The following ARHGAP6 variants were observed in gnomAD, a reference collection of about 807,000 sequenced individuals.
ARHGAP6 encodes rho GTPase-activating protein 6.
In ARHGAP6, 16 loss-of-function variants were observed where a neutral mutation model predicts 55.7. That is an observed-to-expected ratio of 0.29 (90% CI 0.19 to 0.44). The LOEUF is 0.44. Ranked by LOEUF, ARHGAP6 falls within the 20% of genes least tolerant of loss-of-function variation. The pLI, the probability that ARHGAP6 is intolerant of heterozygous loss-of-function variation, is 1.00. For synonymous variants in ARHGAP6, 382 were observed against 360.9 expected, an observed-to-expected ratio of 1.06 and a Z score of -0.66; for missense variants, 698 against 808.9, an observed-to-expected ratio of 0.86 and a Z score of 1.66.
chrX:11,318,870 G>T (rs1207795605), intron 1 of ARHGAP6, among the ~76,000 whole-genome samples: 2 of 112,131 alleles, frequency 1.8e-5, no homozygotes, highest in Non-Finnish European at 3.8e-5. Flanking sequence ...GACAGCAGCT[G>T]CCAAGAAGAC....
At chrX:11,653,137 T>C (rs1311354471) in intron 1 of ARHGAP6, among the ~76,000 whole-genome samples, 1 of 111,914 alleles carries the variant, frequency 8.9e-6, no homozygotes, top group African/African-American at 3.2e-5. Flanking sequence ...CATTTACCAG[T>C]TAAAGAACAG....
At chrX:11,356,979 G>T (rs1161121076) in intron 1 of ARHGAP6, among the ~76,000 whole-genome samples, 1 of 111,460 alleles carries the variant, frequency 9.0e-6, no homozygotes, top group African/African-American at 3.3e-5. Flanking sequence ...ATTAATGGAG[G>T]GAGTGCATTT....
intron 1 of ARHGAP6, among the ~76,000 whole-genome samples, chrX:11,500,178 A>G (rs1173938076): frequency 9.0e-6 from 1 of 111,601 alleles, no homozygotes; most frequent in East Asian, 2.8e-4. Context: ...TTCTATCAAT[A>G]AATATTTATG....
At chrX:11,145,872 G>A (rs2045682641) in intron 10 of ARHGAP6, among the ~76,000 whole-genome samples, 1 of 112,626 alleles carries the variant, frequency 8.9e-6, no homozygotes, top group Non-Finnish European at 1.9e-5. Context: ...GGTGGGGCCA[G>A]CAAATTTTTT....
At position 11,298,283 on chromosome X, in the gene ARHGAP6, T is replaced by C. The variant is rs994543951; in HGVS notation, c.589-43576A>G. 2.5e-6 allele frequency: 3 copies of C among 1,207,564 alleles called. No homozygotes were observed. In the African/African-American group the frequency reaches 5.3e-5, roughly 21 times the overall value. On this transcript the variant is annotated intron_variant, in intron 1 of 12. Coordinates refer to ENST00000337414, the MANE Select transcript of ARHGAP6 (RefSeq NM_013427.3). Reference sequence around the variant, plus strand: ...ACCAGAGCATAAGGCCACCGGTATGTAGACATTTTGTTCCTTATTCCCTGA... The same window carrying C: ...ACCAGAGCATAAGGCCACCGGTATGCAGACATTTTGTTCCTTATTCCCTGA...
intron 2 of ARHGAP6, 78 bp downstream of exon 2, chrX:11,254,470 A>C: frequency 9.1e-7 from 1 of 1,098,973 alleles, no homozygotes; most frequent in Non-Finnish European, 1.2e-6. Context: ...GTGTGAGAAG[A>C]GTTCACAGCT....
At chrX:11,533,132 A>T (rs1024482737) in intron 1 of ARHGAP6, among the ~76,000 whole-genome samples, 1 of 111,528 alleles carries the variant, frequency 9.0e-6, no homozygotes, top group South Asian at 3.8e-4. Flanking sequence ...TTAAGGAGAT[A>T]CCATTTTTGT....
chrX:11,552,600 A>ATATATG (rs59361607), intron 1 of ARHGAP6, among the ~76,000 whole-genome samples: 14 of 62,588 alleles, frequency 2.2e-4, no homozygotes, highest in African/African-American at 7.4e-4. Context: ...ATATATATAT[A>ATATATG]GACACACACA....
At chrX:11,570,444 A>C (rs1427634166) in intron 1 of ARHGAP6, among the ~76,000 whole-genome samples, 2 of 111,776 alleles carry the variant, frequency 1.8e-5, no homozygotes, top group Non-Finnish European at 3.8e-5. Flanking sequence ...AACAATAATA[A>C]TAATAATGTG....
chrX:11,353,648 A>G (rs1402302953), intron 1 of ARHGAP6, among the ~76,000 whole-genome samples: 1 of 107,614 alleles, frequency 9.3e-6, no homozygotes, highest in African/African-American at 3.4e-5. Flanking sequence ...GGCCACACCT[A>G]TTTCTTGAGA....
chrX:11,230,608 GGAGT>G (rs1237361123), intron 2 of ARHGAP6, among the ~76,000 whole-genome samples: 2 of 95,235 alleles, frequency 2.1e-5, no homozygotes, highest in Non-Finnish European at 4.3e-5. Flanking sequence ...AAAGTTATTA[GGAGT>G]GTGTGTGTGT....
chrX:11,590,809 A>AAGAAAAGAAT lies in ARHGAP6; in HGVS notation c.588+73431_588+73432insATTCTTTTCT, dbSNP rs2051801914. 8.2e-5 allele frequency among the ~76,000 whole-genome samples: 4 copies of AAGAAAAGAAT among 48,798 alleles called. 1 individual carries two copies. Among genetic ancestry groups the AAGAAAAGAAT allele is most frequent in the African/African-American group, 3.9e-4 (3 of 7,700 alleles). The allele number at this position is 48,798 out of a possible 115,157, so 42.4% of individuals were successfully genotyped here. On this transcript the variant is annotated intron_variant, in intron 1 of 12. Transcript: ENST00000337414. Reference sequence around the variant, plus strand: ...AAGAAAAGAAAAGAAAAGAAAAGAAAAGAAAAGAAAAGAAAAGAAAAGAAA... The same window carrying AAGAAAAGAAT: ...AAGAAAAGAAAAGAAAAGAAAAGAAAAGAAAAGAATAGAAAAGAAAAGAAAAGAAAAGAAA...
At position 11,504,056 on chromosome X, in the gene ARHGAP6, T is replaced by TG. The variant is rs113658072; in HGVS notation, c.588+160184dup. ...GATGGAGTTATGTATCAATTTTTTT[T>TG]GGGGGGGGGCTACCCAAGAACTGTT... On this transcript the variant is annotated intron_variant, in intron 1 of 12. Coordinates refer to ENST00000337414, the MANE Select transcript of ARHGAP6 (RefSeq NM_013427.3). Among the ~76,000 whole-genome samples, 826 of 108,927 alleles carry TG rather than the reference T, an allele frequency of 7.6e-3. 9 individuals carry two copies. The highest frequency in any genetic ancestry group is 0.025 in the African/African-American group (744 of 29,887). 94.6% of individuals were successfully genotyped at this position (108,927 alleles called of 115,157 possible).
chrX:11,347,808 A>G (rs922694801), intron 1 of ARHGAP6, among the ~76,000 whole-genome samples: 2 of 111,675 alleles, frequency 1.8e-5, no homozygotes, highest in African/African-American at 6.5e-5. Context: ...TATACTGGCT[A>G]CTACCATTAA....
chrX:11,426,205 G>A lies in ARHGAP6; in HGVS notation c.589-171498C>T, dbSNP rs146019744. Among the ~76,000 whole-genome samples the A allele has an allele frequency of 4.3e-3, 476 of 111,376 alleles. 3 individuals carry two copies. Among genetic ancestry groups the A allele is most frequent in the African/African-American group, 0.015 (456 of 30,630 alleles). On this transcript the variant is annotated intron_variant, in intron 1 of 12. Coordinates refer to ENST00000337414, the MANE Select transcript of ARHGAP6 (RefSeq NM_013427.3). ...TAATTCAGGTCTTCATTTTTCCAGT[G>A]GAGGAAAGCGAAGTGTACGAGGTGT... is the stretch of plus-strand genomic sequence containing the variant.
chrX:11,567,566 A>AAAAAAAAAAAAAATACATATAT, intron 1 of ARHGAP6, among the ~76,000 whole-genome samples: 1 of 84,409 alleles, frequency 1.2e-5, no homozygotes, highest in South Asian at 5.4e-4. Context: ...AAAAAAAAAA[A>AAAAAAAAAAAAAATACATATAT]ATATATATAT....
chrX:11,387,715 C>T (rs1275811785), intron 1 of ARHGAP6, among the ~76,000 whole-genome samples: 1 of 110,916 alleles, frequency 9.0e-6, no homozygotes, highest in African/African-American at 3.3e-5. Flanking sequence ...TCCCCCACCC[C>T]ACAACAGGCC....
chrX:11,349,368 T>C (rs772388942), intron 1 of ARHGAP6, among the ~76,000 whole-genome samples: 2 of 111,373 alleles, frequency 1.8e-5, no homozygotes, highest in South Asian at 7.7e-4. Context: ...CCATCTCACT[T>C]ACCTTATTTT....
intron 1 of ARHGAP6, among the ~76,000 whole-genome samples, chrX:11,536,405 T>A (rs1348898048): frequency 8.9e-6 from 1 of 111,876 alleles, no homozygotes; most frequent in Non-Finnish European, 1.9e-5. Flanking sequence ...CTTATAGGGT[T>A]CCCTAATGGG....
Sources: allele counts gnomAD v4.1 joint callset (sites outside exome capture counted in the v4.1 genomes callset), GRCh38; gene constraint gnomAD v4.1.1; transcripts MANE v1.5; gene names NCBI Gene and HGNC (gene_info 2026-07-23, HGNC 2026-07-21).